The following VLDLR variants were observed in gnomAD, a reference collection of about 807,000 sequenced individuals.
The protein encoded by VLDLR is very low-density lipoprotein receptor.
In VLDLR, 81 loss-of-function variants were observed where a neutral mutation model predicts 112.7. The observed-to-expected ratio is 0.72, with a 90% CI of 0.60 to 0.86. VLDLR has a LOEUF of 0.86. VLDLR is among the 40% of genes least tolerant of loss of function. VLDLR has a pLI of 0.00. For synonymous variants in VLDLR, 436 were observed against 384.8 expected (o/e 1.13, Z -1.56); for missense variants, 1,237 against 1,099.4 (o/e 1.13, Z -1.77).
At chr9:2,638,804 G>T (rs1167293011) in intron 2 of VLDLR, among the ~76,000 whole-genome samples, 1 of 152,192 alleles carries the variant, frequency 6.6e-6, no homozygotes, top group Non-Finnish European at 1.5e-5. Flanking sequence ...CTCTCCTTAG[G>T]CTATTTTAAC....
rs2130817560 is a variant in VLDLR at position 2,655,807 on chromosome 9, C to G, written c.*1939C>G. 6.6e-6 allele frequency: 1 copy of G among 152,250 alleles called. No individual in the cohort carries two copies. The highest frequency in any genetic ancestry group is 2.1e-4 in the South Asian group (1 of 4,828). 9.4% of individuals were successfully genotyped at this position (152,250 alleles called of 1,614,324 possible). A position where few individuals can be genotyped will look rare whatever the true frequency, so the allele number is the denominator to read the frequency against. ...ACCTTTTCCTCACTCTACATTTAGT[C>G]ATCACACTGAACAGGATGTGGCCTG... On this transcript the variant is annotated 3_prime_UTR_variant, in exon 19 of 19. Transcript: ENST00000382100.
intron 2 of VLDLR, among the ~76,000 whole-genome samples, chr9:2,637,859 C>T (rs1245373730): frequency 1.3e-5 from 2 of 152,136 alleles, no homozygotes; most frequent in Non-Finnish European, 2.9e-5. Context: ...AGGAGAATGG[C>T]GTGAACCCGG....
At chr9:2,637,352 C>CTTCTA (rs1817636931) in intron 2 of VLDLR, among the ~76,000 whole-genome samples, 1 of 152,186 alleles carries the variant, frequency 6.6e-6, no homozygotes, top group Non-Finnish European at 1.5e-5. Context: ...ATTCTATTAG[C>CTTCTA]CATGTGCTTC....
chr9:2,628,496 A>G (rs1386763822), intron 1 of VLDLR, among the ~76,000 whole-genome samples: 1 of 152,214 alleles, frequency 6.6e-6, no homozygotes. Context: ...GGAAATTAGT[A>G]GGGAACTTAA....
At chr9:2,625,533 T>G (rs966640900) in intron 1 of VLDLR, among the ~76,000 whole-genome samples, 1 of 152,242 alleles carries the variant, frequency 6.6e-6, no homozygotes, top group Admixed American at 6.5e-5. Context: ...GAAAACCACC[T>G]TCACATACTA....
intron 1 of VLDLR, among the ~76,000 whole-genome samples, chr9:2,622,895 G>A (rs1816892910): frequency 6.6e-6 from 1 of 152,188 alleles, no homozygotes; most frequent in Non-Finnish European, 1.5e-5. Flanking sequence ...GGCGTGCGGG[G>A]TAGGGGAGCG....
At chr9:2,639,080 C>T (rs1002188679) in intron 2 of VLDLR, among the ~76,000 whole-genome samples, 1 of 152,198 alleles carries the variant, frequency 6.6e-6, no homozygotes, top group Admixed American at 6.5e-5. Flanking sequence ...GGGGATGCCC[C>T]TTGAACAGTA....
intron 16 of VLDLR, 103 bp downstream of exon 16, chr9:2,651,601 C>T: frequency 9.0e-7 from 1 of 1,112,360 alleles, no homozygotes; most frequent in Non-Finnish European, 1.3e-6. Context: ...TATTTCTGCC[C>T]CAATTGGTAA....
In VLDLR at chr9:2,622,121, A is replaced by ACT; in HGVS notation, c.-68_-67dup. ...CCACCTTCTTCCTCCTTTCGGAAGG[A>ACT]CTGGTAACTTGTCGTGCGGAGCGAA... On this transcript the variant is annotated 5_prime_UTR_variant, in exon 1 of 19. Coordinates refer to ENST00000382100, the MANE Select transcript of VLDLR (RefSeq NM_003383.5). 1.2e-5 allele frequency: 17 copies of ACT among 1,404,062 alleles called. No homozygotes were observed. The highest frequency in any genetic ancestry group is 1.5e-5 in the Non-Finnish European group (16 of 1,059,712). The allele number at this position is 1,404,062 out of a possible 1,614,324, so 87.0% of individuals were successfully genotyped here.
At chr9:2,646,270 A>T in intron 10 of VLDLR, 64 bp from the exon 11 acceptor site, 1 of 1,536,350 alleles carries the variant, frequency 6.5e-7, no homozygotes, top group South Asian at 1.1e-5. Context: ...GTAAGCAAAA[A>T]GTCCATTCTC....
intron 16 of VLDLR, 81 bp from the exon 17 acceptor site, chr9:2,651,793 G>A: frequency 6.7e-7 from 1 of 1,494,028 alleles, no homozygotes; most frequent in Non-Finnish European, 9.3e-7. Context: ...GGATGCAAAG[G>A]TTTTGGCTCC....
rs1259370178 is a variant in VLDLR at position 2,652,798 on chromosome 9, C to T, written c.2435C>T (p.Ala812Val). 1 of 1,614,094 alleles carries T rather than the reference C, an allele frequency of 6.2e-7. No homozygotes were observed. The highest frequency in any genetic ancestry group is 8.5e-7 in the Non-Finnish European group (1 of 1,179,996). The part of the protein sequence containing the change: ...ILPLLLLVMA[A>V]VGGYLMWRNW... The stretch of plus-strand genomic sequence containing the variant: ...TTTTCAGTGCTCTTAGTGATGGCAG[C>T]AGTAGGTGGCTACTTGATGTGGCGG... The change falls in exon 18 of 19, where the codon GCA becomes GTA. Residue 812 changes from alanine to valine, a missense_variant. Ala to Val is a moderately conservative substitution (Grantham distance 64). Coordinates refer to ENST00000382100, the MANE Select transcript of VLDLR (RefSeq NM_003383.5).
rs780270027 is a variant in VLDLR, at chr9:2,646,572, TCA to T, written c.1703+23_1703+24del. On this transcript the variant is annotated intron_variant, in intron 11 of 18. Coordinates refer to ENST00000382100, the MANE Select transcript of VLDLR (RefSeq NM_003383.5). ...GTCTGGGTTTGTAGTCTGTTTTCCA[TCA>T]CAGACTTTGGAATGGTATCTGTGTA... 2 of 1,609,562 alleles carry T rather than the reference TCA, an allele frequency of 1.2e-6. No individual in the cohort carries two copies. Among genetic ancestry groups the T allele is most frequent in the South Asian group, 2.2e-5 (2 of 90,820 alleles).
chr9:2,656,803 A>T lies in VLDLR; in HGVS notation c.*2935A>T, dbSNP rs1563772949. On this transcript the variant is annotated 3_prime_UTR_variant, in exon 19 of 19. Transcript: ENST00000382100. ...AAATCCAGCCAAGTTCCTCTGTCCA[A>T]ATTTTTAAGTGCCCTTTGCAAGCTA... 1 of 152,056 alleles carries T rather than the reference A, an allele frequency of 6.6e-6. No individual in the cohort carries two copies. Among genetic ancestry groups the T allele is most frequent in the Non-Finnish European group, 1.5e-5 (1 of 68,024 alleles). The allele number at this position is 152,056 out of a possible 1,614,324, so 9.4% of individuals were successfully genotyped here.
At chr9:2,637,867 C>G (rs997609092) in intron 2 of VLDLR, among the ~76,000 whole-genome samples, 1 of 152,068 alleles carries the variant, frequency 6.6e-6, no homozygotes, top group Non-Finnish European at 1.5e-5. Context: ...GGCGTGAACC[C>G]GGGAGGCGGA....
At chr9:2,635,865 C>G (rs1817581896) in intron 2 of VLDLR, among the ~76,000 whole-genome samples, 1 of 152,080 alleles carries the variant, frequency 6.6e-6, no homozygotes, top group Admixed American at 6.5e-5. Context: ...TAGAGACAAA[C>G]AGAAGATTGC....
At position 2,637,938 on chromosome 9, in the gene VLDLR, A is replaced by G. The variant is rs138565791; in HGVS notation, c.203-1921A>G. Reference sequence around the variant, plus strand: ...AGCCTGGGTGACAGAGCGAGACTCCATCTCAAAAAAATAAATAAAAATAAA... The same window carrying G: ...AGCCTGGGTGACAGAGCGAGACTCCGTCTCAAAAAAATAAATAAAAATAAA... On this transcript the variant is annotated intron_variant, in intron 2 of 18. Transcript: ENST00000382100. Among the ~76,000 whole-genome samples, 1,210 of 151,922 alleles carry G rather than the reference A, an allele frequency of 8.0e-3. 22 individuals are homozygous for G. The highest frequency in any genetic ancestry group is 0.028 in the African/African-American group (1,148 of 41,250).
intron 14 of VLDLR, among the ~76,000 whole-genome samples, chr9:2,649,176 C>G (rs991952782): frequency 1.3e-5 from 2 of 152,074 alleles, no homozygotes; most frequent in East Asian, 3.9e-4. Flanking sequence ...CAATGAAGTA[C>G]CACAGACTAT....
intron 1 of VLDLR, among the ~76,000 whole-genome samples, chr9:2,630,768 A>G (rs1284924881): frequency 6.6e-6 from 1 of 152,230 alleles, no homozygotes; most frequent in Non-Finnish European, 1.5e-5. Context: ...ATTGGTCTAG[A>G]CAAGGAATTT....
Sources: gnomAD v4.1 joint callset for allele counts (sites outside exome capture counted in the v4.1 genomes callset) on GRCh38, gnomAD v4.1.1 for gene constraint, MANE v1.5 for transcripts, NCBI Gene and HGNC (gene_info 2026-07-23, HGNC 2026-07-21) for gene names.